Variants in FNDC3B observed in about 807,000 individuals in gnomAD.
FNDC3B encodes fibronectin type III domain-containing protein 3B.
In FNDC3B, 12 loss-of-function variants were observed where a neutral mutation model predicts 151.5. The observed-to-expected ratio is 0.08, with a 90% CI of 0.05 to 0.13. The LOEUF is 0.13. Ranked by LOEUF, FNDC3B falls within the 10% of genes least tolerant of loss-of-function variation. The pLI, the probability that FNDC3B is intolerant of heterozygous loss-of-function variation, is 1.00. For missense variants in FNDC3B, 1,214 were observed against 1,505.3 expected, an observed-to-expected ratio of 0.81 and a Z score of 3.20; for synonymous variants, 528 against 549.0, an observed-to-expected ratio of 0.96 and a Z score of 0.54.
chr3:172,259,370 T>C (rs931637007), intron 6 of FNDC3B, among the ~76,000 whole-genome samples: 1 of 152,158 alleles, frequency 6.6e-6, no homozygotes, highest in Admixed American at 6.5e-5. Context: ...CTGCCAGATC[T>C]CTCTGCTTAG....
intron 18 of FNDC3B, 84 bp downstream of exon 18, chr3:172,343,200 C>T: frequency 1.3e-6 from 1 of 786,080 alleles, no homozygotes. Context: ...AGTTTCAAAG[C>T]TTTCTTCTAA....
chr3:172,202,312 T>C (rs1255100593), intron 3 of FNDC3B, among the ~76,000 whole-genome samples: 1 of 152,180 alleles, frequency 6.6e-6, no homozygotes, highest in Non-Finnish European at 1.5e-5. Context: ...AAATCTTTAG[T>C]CTTAAGCAAT....
At chr3:172,269,168 A>G (rs770940960) in intron 6 of FNDC3B, among the ~76,000 whole-genome samples, 16 of 152,258 alleles carry the variant, frequency 1.1e-4, no homozygotes, top group Non-Finnish European at 2.4e-4. Flanking sequence ...ATTAGAAACA[A>G]GGACAACTTC....
At chr3:172,192,215 C>G (rs984645703) in intron 3 of FNDC3B, among the ~76,000 whole-genome samples, 4 of 150,626 alleles carry the variant, frequency 2.7e-5, no homozygotes, top group African/African-American at 9.8e-5. Flanking sequence ...CTCTGTCCCC[C>G]AGGCTGGAGT....
intron 25 of FNDC3B, among the ~76,000 whole-genome samples, chr3:172,396,195 A>G (rs1736268796): frequency 6.6e-6 from 1 of 152,236 alleles, no homozygotes; most frequent in Non-Finnish European, 1.5e-5. Flanking sequence ...GTTATAAGGA[A>G]CTACTACCGA....
intron 6 of FNDC3B, among the ~76,000 whole-genome samples, chr3:172,252,987 A>G (rs970693677): frequency 2.0e-5 from 3 of 152,206 alleles, no homozygotes; most frequent in African/African-American, 7.2e-5. Flanking sequence ...CAATGTTACA[A>G]TTTAACCATG....
intron 17 of FNDC3B, among the ~76,000 whole-genome samples, chr3:172,341,733 C>G (rs1419043383): frequency 6.6e-6 from 1 of 152,162 alleles, no homozygotes; most frequent in African/African-American, 2.4e-5. Flanking sequence ...TGAGTGGCAC[C>G]TCCTGAAGTT....
intron 1 of FNDC3B, among the ~76,000 whole-genome samples, chr3:172,045,652 T>A (rs1716326516): frequency 6.6e-6 from 1 of 152,006 alleles, no homozygotes. Flanking sequence ...ATCCATTAAG[T>A]GGGATATTTA....
At chr3:172,380,595 T>C (rs1735387333) in intron 24 of FNDC3B, among the ~76,000 whole-genome samples, 1 of 152,158 alleles carries the variant, frequency 6.6e-6, no homozygotes, top group Non-Finnish European at 1.5e-5. Flanking sequence ...TTCAACTAAC[T>C]CTTAAGTTTC....
intron 3 of FNDC3B, among the ~76,000 whole-genome samples, chr3:172,209,529 G>A (rs1185102718): frequency 1.3e-5 from 2 of 152,166 alleles, no homozygotes; most frequent in Non-Finnish European, 2.9e-5. Flanking sequence ...CTGAGTCTGG[G>A]GGTTTTTATG....
At chr3:172,074,121 T>C (rs1043990436) in intron 1 of FNDC3B, among the ~76,000 whole-genome samples, 1 of 152,242 alleles carries the variant, frequency 6.6e-6, no homozygotes, top group African/African-American at 2.4e-5. Context: ...TGACAAGTGT[T>C]GGACCCCATT....
At chr3:172,396,684 G>C (rs596590) in intron 25 of FNDC3B, among the ~76,000 whole-genome samples, 145,293 of 152,222 alleles carry the variant, frequency 0.95, 69,471 homozygotes, top group East Asian at 1. Flanking sequence ...GAAGCATGAA[G>C]CGTATTGTGA....
chr3:172,235,641 T>C (rs566383035), intron 4 of FNDC3B, among the ~76,000 whole-genome samples: 8 of 152,302 alleles, frequency 5.3e-5, no homozygotes, highest in Admixed American at 4.6e-4. Context: ...CAGCTACAAG[T>C]TGAGTAACCA....
intron 4 of FNDC3B, among the ~76,000 whole-genome samples, chr3:172,236,519 G>A (rs916781195): frequency 1.3e-5 from 2 of 152,120 alleles, no homozygotes; most frequent in African/African-American, 4.8e-5. Flanking sequence ...TTGTCACTTC[G>A]ATTCTTATAT....
At chr3:172,089,755 T>TA (rs1416474553) in intron 1 of FNDC3B, among the ~76,000 whole-genome samples, 1 of 152,176 alleles carries the variant, frequency 6.6e-6, no homozygotes, top group Non-Finnish European at 1.5e-5. Context: ...ATTCATTATC[T>TA]AAAAATCTCT....
intron 24 of FNDC3B, among the ~76,000 whole-genome samples, chr3:172,379,656 G>A (rs781094183): frequency 2.9e-4 from 44 of 152,320 alleles, no homozygotes; most frequent in African/African-American, 1.0e-3. Flanking sequence ...TGGCCCTTTG[G>A]TGCAGCTTTG....
chr3:172,362,995 G>A (rs981771276), intron 23 of FNDC3B, 150 bp downstream of exon 23: 35 of 628,610 alleles, frequency 5.6e-5, no homozygotes, highest in Admixed American at 3.1e-4. Flanking sequence ...TTTTATACCC[G>A]GAGTCGTTCC....
intron 1 of FNDC3B, among the ~76,000 whole-genome samples, chr3:172,083,169 A>G (rs1718368905): frequency 6.6e-6 from 1 of 152,318 alleles, no homozygotes; most frequent in South Asian, 2.1e-4. Flanking sequence ...CCACAGTTTC[A>G]TGGATGCTGG....
At chr3:172,249,631 A>G (rs62281812) in intron 5 of FNDC3B, among the ~76,000 whole-genome samples, 20,947 of 152,182 alleles carry the variant, frequency 0.14, 1,611 homozygotes, top group African/African-American at 0.21. Context: ...TACTGCCCAT[A>G]GTGAATATGT....
Sources: allele counts gnomAD v4.1 joint callset (sites outside exome capture counted in the v4.1 genomes callset), GRCh38; gene constraint gnomAD v4.1.1; transcripts MANE v1.5; gene names NCBI Gene and HGNC (gene_info 2026-07-23, HGNC 2026-07-21).